Variants in MPPED2 observed in about 807,000 individuals in gnomAD.
The protein encoded by MPPED2 is metallophosphoesterase MPPED2.
In MPPED2, 5 loss-of-function variants were observed where a neutral mutation model predicts 33.0. The observed-to-expected ratio is 0.15, with a 90% CI of 0.08 to 0.32. MPPED2 has a LOEUF of 0.32. Among genes scored for constraint, MPPED2 ranks in the 10% least tolerant of loss-of-function variants. The pLI is 1.00. For synonymous variants in MPPED2, 136 were observed against 141.9 expected, an observed-to-expected ratio of 0.96 and a Z score of 0.29; for missense variants, 275 against 372.1, an observed-to-expected ratio of 0.74 and a Z score of 2.15.
chr11:30,438,277 T>C (rs779365366), intron 4 of MPPED2, among the ~76,000 whole-genome samples: 14 of 152,228 alleles, frequency 9.2e-5, no homozygotes, highest in Admixed American at 2.6e-4. Flanking sequence ...TTATAAGAGC[T>C]TCCATTTATT....
chr11:30,493,370 CAAAAAAAAAA>C (rs751635120), intron 4 of MPPED2, among the ~76,000 whole-genome samples: 1 of 72,188 alleles, frequency 1.4e-5, no homozygotes, highest in East Asian at 3.4e-4. Flanking sequence ...GACTCCGTCT[CAAAAAAAAAA>C]AAAAAAAGAA....
At chr11:30,460,427 C>A (rs1259467179) in intron 4 of MPPED2, among the ~76,000 whole-genome samples, 1 of 152,146 alleles carries the variant, frequency 6.6e-6, no homozygotes, top group East Asian at 1.9e-4. Flanking sequence ...TCAAAACCAG[C>A]CTGGGCAAGA....
At chr11:30,480,815 T>C (rs1411009105) in intron 4 of MPPED2, among the ~76,000 whole-genome samples, 1 of 152,150 alleles carries the variant, frequency 6.6e-6, no homozygotes, top group Non-Finnish European at 1.5e-5. Context: ...CTTTGCACAT[T>C]AGAGTTAGGA....
At chr11:30,473,786 T>C (rs1182335714) in intron 4 of MPPED2, among the ~76,000 whole-genome samples, 1 of 152,184 alleles carries the variant, frequency 6.6e-6, no homozygotes, top group Non-Finnish European at 1.5e-5. Flanking sequence ...GAGAGGTCCA[T>C]ATGGCAAGGC....
At chr11:30,384,088 T>C (rs1288931903), downstream of MPPED2, among the ~76,000 whole-genome samples, 1 of 152,178 alleles carries the variant, frequency 6.6e-6, no homozygotes, top group Non-Finnish European at 1.5e-5. Context: ...ATTGATAGCA[T>C]CAATTTTATT....
chr11:30,556,511 G>T (rs1008045414), intron 2 of MPPED2, among the ~76,000 whole-genome samples: 1 of 152,294 alleles, frequency 6.6e-6, no homozygotes, highest in African/African-American at 2.4e-5. Context: ...GTTTGGAAAA[G>T]AAAATAAAAT....
chr11:30,465,553 C>T (rs1229079160), intron 4 of MPPED2, among the ~76,000 whole-genome samples: 1 of 152,200 alleles, frequency 6.6e-6, no homozygotes, highest in Non-Finnish European at 1.5e-5. Context: ...GGGTGGGCCT[C>T]CCAAAGTGCT....
intron 6 of MPPED2, among the ~76,000 whole-genome samples, chr11:30,404,992 C>T (rs991087070): frequency 6.6e-6 from 1 of 152,208 alleles, no homozygotes; most frequent in African/African-American, 2.4e-5. Context: ...AGACACGCAA[C>T]AATCAGAACG....
exon 7 of MPPED2, chr11:30,388,767 A>G: frequency 7.8e-7 from 1 of 1,274,592 alleles, no homozygotes; most frequent in Non-Finnish European, 1.0e-6. Flanking sequence ...TTCACCAAGG[A>G]GAGGCATCTT....
chr11:30,396,417 C>T (rs1378733367), intron 6 of MPPED2, among the ~76,000 whole-genome samples: 1 of 152,156 alleles, frequency 6.6e-6, no homozygotes, highest in Non-Finnish European at 1.5e-5. Flanking sequence ...TATGCTTAGA[C>T]ATAACTATAC....
chr11:30,527,960 T>G (rs368163184), intron 3 of MPPED2, among the ~76,000 whole-genome samples: 2 of 152,346 alleles, frequency 1.3e-5, no homozygotes, highest in African/African-American at 4.8e-5. Context: ...TTTATCTTAC[T>G]TAACTTCACA....
chr11:30,536,552 C>A (rs1298440750), intron 2 of MPPED2, among the ~76,000 whole-genome samples: 3 of 152,176 alleles, frequency 2.0e-5, no homozygotes, highest in Admixed American at 2.0e-4. Context: ...GATCCCACTA[C>A]TCATTAGGAA....
intron 2 of MPPED2, among the ~76,000 whole-genome samples, chr11:30,567,224 C>G (rs892999548): frequency 2.0e-5 from 3 of 152,160 alleles, no homozygotes; most frequent in African/African-American, 7.2e-5. Flanking sequence ...GGCACCAATG[C>G]ACAGACCAAA....
intron 3 of MPPED2, among the ~76,000 whole-genome samples, chr11:30,533,412 C>T (rs1173393598): frequency 4.6e-5 from 7 of 152,220 alleles, no homozygotes; most frequent in Non-Finnish European, 8.8e-5. Flanking sequence ...ATCAGAGATT[C>T]AGTGGACTCC....
At chr11:30,389,156 G>T (rs1295760359) in intron 6 of MPPED2, among the ~76,000 whole-genome samples, 1 of 152,156 alleles carries the variant, frequency 6.6e-6, no homozygotes, top group Non-Finnish European at 1.5e-5. Context: ...CCACCAAGCA[G>T]TTGCCTTGCA....
At chr11:30,463,465 C>A (rs1019137568) in intron 4 of MPPED2, among the ~76,000 whole-genome samples, 2 of 152,208 alleles carry the variant, frequency 1.3e-5, no homozygotes, top group African/African-American at 2.4e-5. Flanking sequence ...GTGCATTCCA[C>A]CCCTTTAGCC....
chr11:30,452,216 C>T (rs1333161457), intron 4 of MPPED2: 1 of 362,136 alleles, frequency 2.8e-6, no homozygotes, highest in African/African-American at 2.2e-5. Context: ...AGCACTCTGG[C>T]TGCACTGACC....
At chr11:30,422,213 CA>C in intron 4 of MPPED2, among the ~76,000 whole-genome samples, 1 of 152,304 alleles carries the variant, frequency 6.6e-6, no homozygotes, top group Middle Eastern at 3.4e-3. Flanking sequence ...ATGCACAAAG[CA>C]GGCAAATGCA....
At chr11:30,447,426 A>G (rs1232860853) in intron 4 of MPPED2, among the ~76,000 whole-genome samples, 2 of 152,216 alleles carry the variant, frequency 1.3e-5, no homozygotes, top group East Asian at 1.9e-4. Context: ...GCATGTTAAT[A>G]GGACTTTTAT....
Sources: allele counts gnomAD v4.1 joint callset (sites outside exome capture counted in the v4.1 genomes callset), GRCh38; gene constraint gnomAD v4.1.1; transcripts MANE v1.5; gene names NCBI Gene and HGNC (gene_info 2026-07-23, HGNC 2026-07-21).